The following GPM6A variants were observed in gnomAD, a reference collection of about 807,000 sequenced individuals.
GPM6A encodes the protein glycoprotein M6A.
In GPM6A, 7 loss-of-function variants were observed where a neutral mutation model predicts 32.1. The ratio of observed to expected loss-of-function variants is 0.22; its 90% confidence interval spans 0.12 to 0.41. The LOEUF (loss-of-function observed/expected upper bound fraction) is 0.41. GPM6A is among the 10% of genes least tolerant of loss of function. The probability of loss-of-function intolerance (pLI) is 1.00; values close to 1 mark genes in which losing one functional copy is unlikely to be tolerated. For missense variants in GPM6A, 235 were observed against 347.2 expected (o/e 0.68, Z 2.57); for synonymous variants, 130 against 123.4 (o/e 1.05, Z -0.35).
chr4:175,641,350 A>G (rs1260925202), intron 4 of GPM6A: 1 of 154,074 alleles, frequency 6.5e-6, no homozygotes, highest in African/African-American at 2.4e-5. Flanking sequence ...CAGTTGGTTC[A>G]TAGACCAACA....
intron 1 of GPM6A, among the ~76,000 whole-genome samples, chr4:175,842,308 T>C (rs949321329): frequency 6.6e-6 from 1 of 152,136 alleles, no homozygotes; most frequent in African/African-American, 2.4e-5. Flanking sequence ...ATTTTAAAGG[T>C]GTTACTATGT....
At chr4:175,678,087 G>T (rs1480844109) in intron 2 of GPM6A, among the ~76,000 whole-genome samples, 1 of 152,010 alleles carries the variant, frequency 6.6e-6, no homozygotes, top group Non-Finnish European at 1.5e-5. Flanking sequence ...TTAATATTTT[G>T]AATTCCCCAC....
intron 1 of GPM6A, among the ~76,000 whole-genome samples, chr4:175,851,484 CAA>C (rs564843754): frequency 5.6e-4 from 30 of 54,014 alleles, no homozygotes; most frequent in East Asian, 9.9e-4. Context: ...GACTCCGTCT[CAA>C]AAAAAAAAAA....
intron 2 of GPM6A, among the ~76,000 whole-genome samples, chr4:175,677,918 A>C (rs1023302315): frequency 6.6e-6 from 1 of 152,218 alleles, no homozygotes; most frequent in African/African-American, 2.4e-5. Flanking sequence ...ACAATCGAGC[A>C]AAAAAGTTTT....
upstream of GPM6A, among the ~76,000 whole-genome samples, chr4:175,816,909 G>C (rs1025135335): frequency 9.9e-5 from 15 of 151,812 alleles, no homozygotes; most frequent in African/African-American, 3.4e-4. Flanking sequence ...GCCCAGGCTG[G>C]AGTGCAGCGG....
chr4:175,782,271 C>T (rs1046694172), intron 1 of GPM6A, among the ~76,000 whole-genome samples: 2 of 151,984 alleles, frequency 1.3e-5, no homozygotes, highest in Non-Finnish European at 2.9e-5. Flanking sequence ...CGATTTTTTT[C>T]CCTCACCCAC....
rs557679611 is a variant in GPM6A at position 175,988,449 on chromosome 4, C to T, written c.-23+13860G>A. Among the ~76,000 whole-genome samples, 6 of 152,236 alleles carry T rather than the reference C, an allele frequency of 3.9e-5. No individual in the cohort carries two copies. The South Asian group carries it at 1.2e-3, about 32-fold the overall frequency. On this transcript the variant is annotated intron_variant, in intron 1 of 7. Coordinates refer to the GPM6A transcript ENST00000280187. ...TCCTATGAAAGAACATATTCATTTT[C>T]ACTAGGAGATGAAACTTTTTGTAGT... is the stretch of plus-strand genomic sequence containing the variant.
intron 1 of GPM6A, among the ~76,000 whole-genome samples, chr4:175,717,817 T>A (rs1188519859): frequency 1.3e-5 from 2 of 152,230 alleles, no homozygotes; most frequent in African/African-American, 2.4e-5. Context: ...TCTAATGTCT[T>A]GTGGATATCA....
intron 1 of GPM6A, among the ~76,000 whole-genome samples, chr4:175,858,126 A>G (rs2111414427): frequency 6.6e-6 from 1 of 152,334 alleles, no homozygotes; most frequent in South Asian, 2.1e-4. Context: ...CAAACATTTC[A>G]CCAAATAAAT....
At chr4:175,853,615 G>A (rs1384379069) in intron 1 of GPM6A, among the ~76,000 whole-genome samples, 2 of 150,760 alleles carry the variant, frequency 1.3e-5, no homozygotes, top group African/African-American at 4.9e-5. Context: ...GATTACCAGT[G>A]GAGTCGTTCT....
chr4:175,789,766 G>A (rs571121799), intron 1 of GPM6A, among the ~76,000 whole-genome samples: 12 of 152,118 alleles, frequency 7.9e-5, no homozygotes, highest in South Asian at 2.1e-4. Context: ...ATGATTTGTC[G>A]TTTTACCATC....
chr4:175,651,620 G>A (rs1035899944), intron 4 of GPM6A, among the ~76,000 whole-genome samples: 1 of 152,086 alleles, frequency 6.6e-6, no homozygotes, highest in Non-Finnish European at 1.5e-5. Context: ...CAATATACAT[G>A]TGTATATGTT....
In GPM6A at chr4:175,802,513, C is replaced by A. The variant is rs139521359; in HGVS notation, c.37+9678G>T. On this transcript the variant is annotated intron_variant, in intron 1 of 6. Transcript: ENST00000393658. Reference sequence around the variant, plus strand: ...TTAAAATACAAAAACTAAAATAAAGCGTAAAAGAAGGCAAAAGAAAATTGA... The same window carrying A: ...TTAAAATACAAAAACTAAAATAAAGAGTAAAAGAAGGCAAAAGAAAATTGA... Among the ~76,000 whole-genome samples, 553 of 152,002 alleles carry A rather than the reference C, an allele frequency of 3.6e-3. 9 individuals carry two copies. The highest frequency in any genetic ancestry group is 1.4e-3 in the Non-Finnish European group (94 of 67,874).
intron 1 of GPM6A, among the ~76,000 whole-genome samples, chr4:175,950,460 T>A (rs1739770489): frequency 6.6e-6 from 1 of 152,224 alleles, no homozygotes; most frequent in Non-Finnish European, 1.5e-5. Context: ...TTGTGAATTA[T>A]TTCCAACTTT....
chr4:175,880,655 A>AATGGG (rs1737242962), intron 1 of GPM6A, among the ~76,000 whole-genome samples: 1 of 152,154 alleles, frequency 6.6e-6, no homozygotes, highest in South Asian at 2.1e-4. Flanking sequence ...AGCAATTGTG[A>AATGGG]ATGGGAGTTC....
intron 1 of GPM6A, among the ~76,000 whole-genome samples, chr4:175,965,788 A>G (rs1390687433): frequency 4.0e-5 from 6 of 151,802 alleles, no homozygotes; most frequent in African/African-American, 1.5e-4. Flanking sequence ...TAATTTTTGT[A>G]TTGTTAGTAG....
At chr4:175,819,382 A>T (rs115824087) in intron 1 of GPM6A, among the ~76,000 whole-genome samples, 61 of 152,362 alleles carry the variant, frequency 4.0e-4, no homozygotes, top group African/African-American at 1.4e-3. Context: ...AACAGGACAG[A>T]TGTAGTTTCC....
chr4:176,001,371 C>G (rs1238607750), intron 1 of GPM6A, among the ~76,000 whole-genome samples: 2 of 152,178 alleles, frequency 1.3e-5, no homozygotes, highest in African/African-American at 4.8e-5. Context: ...GCAGCATCTC[C>G]CCTGCGCCTG....
chr4:175,964,465 C>T (rs6553898), intron 1 of GPM6A, among the ~76,000 whole-genome samples: 14,589 of 152,162 alleles, frequency 0.096, 1,013 homozygotes, highest in South Asian at 0.19. Context: ...AATTTATTTT[C>T]CCACAATTCT....
Sources: allele counts gnomAD v4.1 joint callset (sites outside exome capture counted in the v4.1 genomes callset), GRCh38; gene constraint gnomAD v4.1.1; transcripts MANE v1.5; gene names NCBI Gene and HGNC (gene_info 2026-07-23, HGNC 2026-07-21).